MTMR1: variants seen among roughly 807,000 people sequenced by gnomAD.
The protein encoded by MTMR1 is myotubularin related protein 1.
In MTMR1, 17 loss-of-function variants were observed where a neutral mutation model predicts 51.6. The ratio of observed to expected loss-of-function variants is 0.33; its 90% CI spans 0.23 to 0.49. The LOEUF (loss-of-function observed/expected upper bound fraction) is 0.49, where lower values mean the gene tolerates loss of function less well. MTMR1 is among the 20% of genes least tolerant of loss of function. The probability of loss-of-function intolerance (pLI) is 0.99; values close to 1 mark genes in which losing one functional copy is unlikely to be tolerated. For synonymous variants in MTMR1, 201 were observed against 205.6 expected (o/e 0.98, Z 0.19); for missense variants, 386 against 526.9 (o/e 0.73, Z 2.62).
At chrX:150,737,517 G>T in intron 12 of MTMR1, 69 bp downstream of exon 12, 1 of 947,258 alleles carries the variant, frequency 1.1e-6, no homozygotes, top group South Asian at 2.1e-5. Flanking sequence ...CGTCATGTGT[G>T]ACACACGTAA....
chrX:150,703,529 C>G (rs2040991478), intron 2 of MTMR1, among the ~76,000 whole-genome samples: 1 of 112,015 alleles, frequency 8.9e-6, no homozygotes, highest in South Asian at 3.7e-4. Context: ...TCTAAACATT[C>G]TGAAGAAAAA....
chrX:150,718,186 A>C (rs1458186599), intron 3 of MTMR1, among the ~76,000 whole-genome samples: 1 of 112,095 alleles, frequency 8.9e-6, no homozygotes. Context: ...GGCCTTCCCA[A>C]ACTTTCTCTT....
At chrX:150,712,291 GGTCAATAGTAACAT>G in intron 2 of MTMR1, 37 bp from the exon 3 acceptor site, 14 of 1,106,307 alleles carry the variant, frequency 1.3e-5, no homozygotes, top group Non-Finnish European at 1.6e-5. Context: ...ATCTTTCACA[GGTCAATAGTAACAT>G]GTCCATGATG....
intron 4 of MTMR1, among the ~76,000 whole-genome samples, chrX:150,726,615 G>A (rs1312284627): frequency 2.7e-5 from 3 of 111,954 alleles, no homozygotes; most frequent in Admixed American, 9.5e-5. Context: ...TGGCACTTTG[G>A]GAAAACATGA....
chrX:150,746,406 G>GAC (rs782054918), intron 13 of MTMR1, among the ~76,000 whole-genome samples: 50 of 112,144 alleles, frequency 4.5e-4, no homozygotes, highest in African/African-American at 1.4e-3. Flanking sequence ...GAAGCATGAA[G>GAC]ACTGGCCTGA....
At chrX:150,727,353 A>T (rs2041973424) in intron 5 of MTMR1, 44 bp downstream of exon 5, 1 of 1,043,288 alleles carries the variant, frequency 9.6e-7, no homozygotes, top group African/African-American at 1.9e-5. Context: ...AAACACTTTT[A>T]AAAGAACACT....
Position 150,764,867 on chromosome X carries a change from T to TCA in MTMR1, c.*2138_*2139insCA, listed in dbSNP as rs1557418401. ...TTTTAAAAACTGGTACAGTATTGTA[T>TCA]TTGTCTCATCTGTTGCACTGTATTT... On this transcript the variant is annotated 3_prime_UTR_variant, in exon 16 of 16. Coordinates refer to ENST00000445323, the MANE Select transcript of MTMR1 (RefSeq NM_001306144.3). The TCA allele has an allele frequency of 8.9e-6, 1 of 112,619 alleles. No homozygotes were observed. The highest frequency in any genetic ancestry group is 1.9e-5 in the Non-Finnish European group (1 of 53,376). The allele number at this position is 112,619 out of a possible 1,213,427, so 9.3% of individuals were successfully genotyped here.
chrX:150,755,645 A>G (rs782551145), intron 14 of MTMR1, 44 bp from the exon 15 acceptor site: 8 of 992,262 alleles, frequency 8.1e-6, no homozygotes, highest in Non-Finnish European at 9.6e-6. Context: ...ATTCTTGATG[A>G]TATGAAGAAA....
At chrX:150,739,334 A>G (rs1312266867) in intron 12 of MTMR1, among the ~76,000 whole-genome samples, 1 of 112,484 alleles carries the variant, frequency 8.9e-6, no homozygotes, top group African/African-American at 3.2e-5. Flanking sequence ...GGCCCATGCT[A>G]AGTGCCAGGG....
chrX:150,699,396 A>G, intron 2 of MTMR1, 96 bp downstream of exon 2: 1 of 512,895 alleles, frequency 1.9e-6, no homozygotes. Context: ...CTTTTGATGC[A>G]ACATGGCCAT....
At chrX:150,717,571 C>T (rs1011477916) in intron 3 of MTMR1, among the ~76,000 whole-genome samples, 1 of 109,987 alleles carries the variant, frequency 9.1e-6, no homozygotes, top group Admixed American at 9.7e-5. Context: ...TCAGAGATGC[C>T]AAGGAGAAAG....
chrX:150,761,920 G>A (rs189223965), intron 15 of MTMR1, among the ~76,000 whole-genome samples: 101 of 112,287 alleles, frequency 9.0e-4, no homozygotes, highest in African/African-American at 3.0e-3. Flanking sequence ...CACAGTTGAT[G>A]GGTTTAAAAG....
At chrX:150,756,424 G>A (rs1244535061) in intron 15 of MTMR1, among the ~76,000 whole-genome samples, 6 of 111,852 alleles carry the variant, frequency 5.4e-5, no homozygotes, top group African/African-American at 1.3e-4. Context: ...GGGCCAGTCC[G>A]CCAAGCCTGT....
At chrX:150,743,533 T>A (rs1464160656) in intron 12 of MTMR1, among the ~76,000 whole-genome samples, 2 of 112,909 alleles carry the variant, frequency 1.8e-5, no homozygotes, top group Non-Finnish European at 3.7e-5. Flanking sequence ...TTTTGTCATT[T>A]ATTTGTTTTC....
At position 150,750,847 on chromosome X, in the gene MTMR1, A is replaced by C; in HGVS notation, c.1680+4A>C. On this transcript the variant is annotated splice_donor_region_variant and intron_variant, in intron 14 of 15. Transcript: ENST00000445323. ...TGAACAGCAGCGATTCAAAGAGGTG[A>C]GTATGCTGCATCCTTGTCTGTTGCT... The C allele has an allele frequency of 8.6e-7, 1 of 1,164,553 alleles. No homozygotes were observed. Among genetic ancestry groups the C allele is most frequent in the Non-Finnish European group, 1.2e-6 (1 of 854,276 alleles).
chrX:150,709,093 C>T (rs1440284190), intron 2 of MTMR1, among the ~76,000 whole-genome samples: 2 of 112,086 alleles, frequency 1.8e-5, no homozygotes, highest in East Asian at 5.6e-4. Flanking sequence ...TTTTATGTGT[C>T]GAAACTGAGG....
intron 2 of MTMR1, among the ~76,000 whole-genome samples, chrX:150,708,092 G>C (rs1482888438): frequency 8.9e-6 from 1 of 112,048 alleles, no homozygotes; most frequent in East Asian, 2.8e-4. Flanking sequence ...GAGGGAGTAA[G>C]ATGTGGCTAT....
chrX:150,763,397 G>A lies in MTMR1; in HGVS notation c.*668G>A. Reference sequence around the variant, plus strand: ...TGCAATTTCAAGGGCAACGTGTTCTGTCCTCACCTCACTCTGGTACTCGCC... The same window carrying A: ...TGCAATTTCAAGGGCAACGTGTTCTATCCTCACCTCACTCTGGTACTCGCC... On this transcript the variant is annotated 3_prime_UTR_variant, in exon 16 of 16. Transcript: ENST00000445323. The A allele has an allele frequency of 8.8e-6, 1 of 113,101 alleles. No individual in the cohort carries two copies. Among genetic ancestry groups the A allele is most frequent in the East Asian group, 2.8e-4 (1 of 3,585 alleles). 9.3% of individuals were successfully genotyped at this position (113,101 alleles called of 1,213,427 possible). A position where few individuals can be genotyped will look rare whatever the true frequency, so the allele number is the denominator to read the frequency against.
At chrX:150,731,878 A>G (rs782321898) in intron 9 of MTMR1, among the ~76,000 whole-genome samples, 1 of 112,380 alleles carries the variant, frequency 8.9e-6, no homozygotes, top group Admixed American at 9.4e-5. Flanking sequence ...GTAGAGAATG[A>G]CAAAGGAGTA....
Sources: allele counts gnomAD v4.1 joint callset (sites outside exome capture counted in the v4.1 genomes callset), GRCh38; gene constraint gnomAD v4.1.1; transcripts MANE v1.5; gene names NCBI Gene and HGNC (gene_info 2026-07-23, HGNC 2026-07-21).